Variants in TRAPPC9 observed in about 807,000 individuals in gnomAD.
The protein encoded by TRAPPC9 is trafficking protein particle complex subunit 9, also known as IKK2 binding protein.
A neutral mutation model predicts 124.0 loss-of-function variants in TRAPPC9; 83 were observed. That is an observed-to-expected ratio of 0.67 (90% CI 0.56 to 0.80). TRAPPC9 has a LOEUF of 0.80. TRAPPC9 is among the 30% of genes least tolerant of loss of function. TRAPPC9 has a pLI of 0.00. For missense variants in TRAPPC9, 1,302 were observed against 1,508.3 expected, an observed-to-expected ratio of 0.86 and a Z score of 2.27; for synonymous variants, 638 against 617.5, an observed-to-expected ratio of 1.03 and a Z score of -0.49.
Position 139,984,623 on chromosome 8 carries a change from G to A in TRAPPC9, c.2810+4103C>T, listed in dbSNP as rs1007166694. ...GGTGCTGTCCGGCGTTGCGAAGTAA[G>A]GTAGAGCCATTTCCACTTCCTCCAC... On this transcript the variant is annotated intron_variant, in intron 19 of 22. Coordinates refer to ENST00000438773, the MANE Select transcript of TRAPPC9 (RefSeq NM_001160372.4). This position sits in a 1 kb window ranked among gnomAD's most constrained non-coding sequence, Gnocchi z 4.3. Among the ~76,000 whole-genome samples the A allele has an allele frequency of 2.6e-5, 4 of 152,156 alleles. No homozygotes were observed. Among genetic ancestry groups the A allele is most frequent in the South Asian group, 2.1e-4 (1 of 4,828 alleles).
intron 17 of TRAPPC9, among the ~76,000 whole-genome samples, chr8:140,101,541 G>GTTT (rs11387005): frequency 3.5e-5 from 4 of 114,954 alleles, no homozygotes; most frequent in Non-Finnish European, 6.7e-5. Flanking sequence ...TCTTTTTTTT[G>GTTT]TTTTTTTTTT....
chr8:139,790,832 G>A (rs1248384694), intron 21 of TRAPPC9, among the ~76,000 whole-genome samples: 1 of 152,120 alleles, frequency 6.6e-6, no homozygotes, highest in Non-Finnish European at 1.5e-5. Context: ...ATGTAGGGGT[G>A]GATTTCTCAT....
chr8:139,959,952 G>A (rs1258348528), intron 19 of TRAPPC9, among the ~76,000 whole-genome samples: 1 of 152,196 alleles, frequency 6.6e-6, no homozygotes, highest in Non-Finnish European at 1.5e-5. Context: ...AGCAAGGGCT[G>A]TGGGCGATGG....
At chr8:140,091,525 G>C (rs2130182807) in intron 17 of TRAPPC9, among the ~76,000 whole-genome samples, 1 of 152,282 alleles carries the variant, frequency 6.6e-6, no homozygotes, top group Non-Finnish European at 1.5e-5. Context: ...CTACTTCCTA[G>C]GCACCGCAAT....
chr8:140,074,849 G>A (rs529196445), intron 17 of TRAPPC9, among the ~76,000 whole-genome samples: 14 of 152,250 alleles, frequency 9.2e-5, no homozygotes, highest in South Asian at 2.1e-4. Flanking sequence ...CAGGGACTAC[G>A]GGACCACAGC....
At chr8:139,757,930 G>A (rs1159503133) in intron 21 of TRAPPC9, among the ~76,000 whole-genome samples, 1 of 152,188 alleles carries the variant, frequency 6.6e-6, no homozygotes, top group Non-Finnish European at 1.5e-5. Flanking sequence ...GAGGCTGCAT[G>A]CCCTGATGCC....
At chr8:140,407,259 A>C (rs1298853074) in intron 5 of TRAPPC9, among the ~76,000 whole-genome samples, 1 of 152,248 alleles carries the variant, frequency 6.6e-6, no homozygotes, top group Non-Finnish European at 1.5e-5. Flanking sequence ...TCTTAACGAC[A>C]GAAGTGTAGT....
intron 20 of TRAPPC9, among the ~76,000 whole-genome samples, chr8:139,909,644 C>T (rs1831580846): frequency 6.6e-6 from 1 of 152,228 alleles, no homozygotes. Context: ...AGCCATTGAT[C>T]CAAAGTTCAG....
chr8:139,852,266 C>G (rs1401983299), intron 21 of TRAPPC9, among the ~76,000 whole-genome samples: 1 of 152,288 alleles, frequency 6.6e-6, no homozygotes, highest in Non-Finnish European at 1.5e-5. Flanking sequence ...AAGACATGCC[C>G]AGTCTCAGGT....
At chr8:140,436,972 G>T (rs1042386947) in intron 3 of TRAPPC9, among the ~76,000 whole-genome samples, 3 of 151,174 alleles carry the variant, frequency 2.0e-5, no homozygotes, top group Non-Finnish European at 2.9e-5. Context: ...TTTTATTTTG[G>T]TTTTTTCTTA....
chr8:139,864,669 T>C (rs768910682), intron 21 of TRAPPC9, among the ~76,000 whole-genome samples: 3 of 151,856 alleles, frequency 2.0e-5, no homozygotes, highest in Non-Finnish European at 2.9e-5. Flanking sequence ...ACAGCGTCTG[T>C]AGAGCAGACA....
At chr8:139,762,484 T>C (rs1483129253) in intron 21 of TRAPPC9, among the ~76,000 whole-genome samples, 1 of 152,164 alleles carries the variant, frequency 6.6e-6, no homozygotes, top group Non-Finnish European at 1.5e-5. Flanking sequence ...GTGGAGCCCA[T>C]TGCTTCTAGG....
intron 17 of TRAPPC9, among the ~76,000 whole-genome samples, chr8:140,037,522 C>T (rs893637761): frequency 6.6e-6 from 1 of 152,050 alleles, no homozygotes; most frequent in South Asian, 2.1e-4. Context: ...CCGCTCCCAG[C>T]CCTTCCACAT....
intron 15 of TRAPPC9, among the ~76,000 whole-genome samples, chr8:140,260,469 C>A (rs1399284901): frequency 6.6e-6 from 1 of 152,190 alleles, no homozygotes; most frequent in Non-Finnish European, 1.5e-5. Flanking sequence ...GGTGGATGAA[C>A]TCTGTCGCAG....
chr8:140,009,551 TG>T (rs1304100823), intron 18 of TRAPPC9, among the ~76,000 whole-genome samples: 2 of 152,226 alleles, frequency 1.3e-5, no homozygotes, highest in Admixed American at 6.5e-5. Flanking sequence ...ACAAAGGCCT[TG>T]GAGCCACCAC....
intron 21 of TRAPPC9, among the ~76,000 whole-genome samples, chr8:139,862,553 GATC>G (rs1828238844): frequency 6.6e-6 from 1 of 152,220 alleles, no homozygotes; most frequent in Admixed American, 6.5e-5. Flanking sequence ...CGCCTGTAAG[GATC>G]ACTTCCTCTG....
At chr8:139,734,569 T>C (rs1408295299) in intron 21 of TRAPPC9, among the ~76,000 whole-genome samples, 1 of 152,250 alleles carries the variant, frequency 6.6e-6, no homozygotes, top group Non-Finnish European at 1.5e-5. Context: ...CCAGGAAGGC[T>C]GGAGGCCTGT....
intron 15 of TRAPPC9, among the ~76,000 whole-genome samples, chr8:140,260,047 T>C (rs990426622): frequency 3.9e-5 from 6 of 152,182 alleles, no homozygotes; most frequent in Admixed American, 3.3e-4. Context: ...AGATCATGGG[T>C]AGTTTCAAAT....
At chr8:139,745,828 A>C (rs1007864315) in intron 21 of TRAPPC9, among the ~76,000 whole-genome samples, 1 of 152,260 alleles carries the variant, frequency 6.6e-6, no homozygotes, top group East Asian at 1.9e-4. Flanking sequence ...CTCTGAGCTC[A>C]AATGTACAAA....
Sources: allele counts gnomAD v4.1 joint callset (sites outside exome capture counted in the v4.1 genomes callset), GRCh38; gene constraint gnomAD v4.1.1; non-coding constraint Gnocchi (gnomAD v3.1); transcripts MANE v1.5; gene names NCBI Gene and HGNC (gene_info 2026-07-23, HGNC 2026-07-21).